Variants in PRELID2 observed in about 807,000 individuals in gnomAD.
The protein encoded by PRELID2 is PRELI domain-containing protein 2.
Under a neutral mutation model 28.4 loss-of-function variants are expected in PRELID2, and 25 were observed. The ratio of observed to expected loss-of-function variants is 0.88; its 90% CI spans 0.64 to 1.23. The LOEUF is 1.23. Among genes scored for constraint, PRELID2 ranks in the 50% most tolerant of loss-of-function variants. PRELID2 has a pLI of 0.00. For missense variants in PRELID2, 201 were observed against 214.4 expected, an observed-to-expected ratio of 0.94 and a Z score of 0.39; for synonymous variants, 76 against 71.6, an observed-to-expected ratio of 1.06 and a Z score of -0.31.
intron 1 of PRELID2, among the ~76,000 whole-genome samples, chr5:145,720,057 CAAT>C (rs1755946168): frequency 6.7e-6 from 1 of 150,304 alleles, no homozygotes; most frequent in Non-Finnish European, 1.5e-5. Context: ...AAAAATGAGA[CAAT>C]AAAAATAAAA....
chr5:145,713,349 T>TA (rs1482724577), intron 1 of PRELID2, among the ~76,000 whole-genome samples: 2 of 139,998 alleles, frequency 1.4e-5, no homozygotes, highest in Non-Finnish European at 3.0e-5. Flanking sequence ...GATATCTGAC[T>TA]TTATATATAT....
At chr5:145,557,566 C>A (rs191943140) in intron 1 of PRELID2, among the ~76,000 whole-genome samples, 1 of 152,266 alleles carries the variant, frequency 6.6e-6, no homozygotes, top group Non-Finnish European at 1.5e-5. Context: ...AGGAGCCAGA[C>A]AGAACACCAG....
At chr5:145,501,885 A>C (rs1468169976) in intron 1 of PRELID2, among the ~76,000 whole-genome samples, 1 of 152,058 alleles carries the variant, frequency 6.6e-6, no homozygotes, top group Non-Finnish European at 1.5e-5. Flanking sequence ...TCACCTCCAG[A>C]GTGATGCTAC....
chr5:145,796,316 C>A, intron 5 of PRELID2, 126 bp downstream of exon 5: 1 of 491,694 alleles, frequency 2.0e-6, no homozygotes, highest in East Asian at 3.3e-5. Flanking sequence ...ATTATTTTTG[C>A]ATATATTTGT....
chr5:145,498,586 G>A lies in PRELID2; in HGVS notation n.71-25271C>T, dbSNP rs115693085. On this transcript the variant is annotated intron_variant and non_coding_transcript_variant, in intron 1 of 2. Transcript: ENST00000510259. ...ACTCTGTTGCCTAGGATGGAGTTCAGTGGCACAATCTCAGCTCACTGTAAC... is the reference window on the plus strand; with the variant it reads ...ACTCTGTTGCCTAGGATGGAGTTCAATGGCACAATCTCAGCTCACTGTAAC... Among the ~76,000 whole-genome samples the A allele has an allele frequency of 1.8e-3, 269 of 152,214 alleles. 2 individuals carry two copies. Among genetic ancestry groups the A allele is most frequent in the African/African-American group, 6.2e-3 (257 of 41,542 alleles).
At chr5:145,459,752 C>T in the PRELID2 span, among the ~76,000 whole-genome samples, 1 of 151,664 alleles carries the variant, frequency 6.6e-6, no homozygotes, top group Non-Finnish European at 1.5e-5. Context: ...CTTACTTTTT[C>T]TTTATTATCT....
At chr5:145,633,457 C>T (rs1279133745) in intron 1 of PRELID2, among the ~76,000 whole-genome samples, 3 of 152,044 alleles carry the variant, frequency 2.0e-5, no homozygotes, top group Non-Finnish European at 4.4e-5. Flanking sequence ...TTTTCCTGGC[C>T]CTCTCTCGTC....
At chr5:145,481,623 C>CAAAAAAAAAGAAAAAAAAAA (rs1752160341) in intron 1 of PRELID2, among the ~76,000 whole-genome samples, 1 of 41,862 alleles carries the variant, frequency 2.4e-5, no homozygotes, top group Non-Finnish European at 3.8e-5. Context: ...GCAAGGAAAT[C>CAAAAAAAAAGAAAAAAAAAA]AAAAAAAAAA....
intron 1 of PRELID2, among the ~76,000 whole-genome samples, chr5:145,644,601 G>C (rs767368496): frequency 6.6e-6 from 1 of 151,896 alleles, no homozygotes; most frequent in African/African-American, 2.4e-5. Flanking sequence ...CTTTAATTTC[G>C]ATGTTAGGGC....
chr5:145,578,663 G>A (rs1419940085), intron 1 of PRELID2, among the ~76,000 whole-genome samples: 1 of 152,002 alleles, frequency 6.6e-6, no homozygotes, highest in Non-Finnish European at 1.5e-5. Flanking sequence ...ACTTTTTATT[G>A]CTGACGTTCT....
the PRELID2 span, among the ~76,000 whole-genome samples, chr5:145,257,210 A>T: frequency 6.6e-6 from 1 of 150,640 alleles, no homozygotes; most frequent in Non-Finnish European, 1.5e-5. Flanking sequence ...GTAAAATTTA[A>T]CTATTTAACA....
chr5:145,298,138 C>T, the PRELID2 span, among the ~76,000 whole-genome samples: 1 of 152,058 alleles, frequency 6.6e-6, no homozygotes, highest in South Asian at 2.1e-4. Flanking sequence ...TCATATGGAA[C>T]CAAAAAAGAG....
At chr5:145,238,945 G>A in the PRELID2 span, among the ~76,000 whole-genome samples, 1 of 151,462 alleles carries the variant, frequency 6.6e-6, no homozygotes, top group Non-Finnish European at 1.5e-5. Context: ...ATTAAATAAT[G>A]TGTGGGTATC....
chr5:145,531,172 C>G (rs898328275), intron 1 of PRELID2, among the ~76,000 whole-genome samples: 1 of 152,094 alleles, frequency 6.6e-6, no homozygotes, highest in African/African-American at 2.4e-5. Flanking sequence ...GGCAATAATA[C>G]AATACATGCA....
intron 1 of PRELID2, among the ~76,000 whole-genome samples, chr5:145,508,257 C>CAGATAGATAGATAGATAGATAGAT (rs58785072): frequency 5.3e-5 from 8 of 149,620 alleles, no homozygotes; most frequent in East Asian, 4.0e-4. Context: ...TTTGCATAGA[C>CAGATAGATAGATAGATAGATAGAT]AGATAGATAG....
chr5:145,245,582 A>G, the PRELID2 span, among the ~76,000 whole-genome samples: 1 of 152,094 alleles, frequency 6.6e-6, no homozygotes, highest in East Asian at 1.9e-4. Context: ...GAGTGAGAAA[A>G]AGAATGAATG....
chr5:145,257,383 A>G, the PRELID2 span, among the ~76,000 whole-genome samples: 1 of 152,136 alleles, frequency 6.6e-6, no homozygotes, highest in Non-Finnish European at 1.5e-5. Context: ...AGAGGAGGGT[A>G]TAATTAAAAT....
the PRELID2 span, among the ~76,000 whole-genome samples, chr5:145,301,444 C>T: frequency 6.6e-6 from 1 of 152,118 alleles, no homozygotes; most frequent in South Asian, 2.1e-4. Flanking sequence ...ATATTTTCTG[C>T]AAGTTTTTGA....
At chr5:145,789,537 A>G (rs1752228932) in intron 5 of PRELID2, among the ~76,000 whole-genome samples, 1 of 152,212 alleles carries the variant, frequency 6.6e-6, no homozygotes, top group Non-Finnish European at 1.5e-5. Flanking sequence ...CTGAAGCTAT[A>G]AAATTACTAG....
Sources: gnomAD v4.1 joint callset for allele counts (sites outside exome capture counted in the v4.1 genomes callset) on GRCh38, gnomAD v4.1.1 for gene constraint, MANE v1.5 for transcripts, NCBI Gene and HGNC (gene_info 2026-07-23, HGNC 2026-07-21) for gene names.